Variants in GAB2 observed in about 807,000 individuals in gnomAD.
GAB2 encodes the protein GRB2-associated-binding protein 2.
A neutral mutation model predicts 65.5 loss-of-function variants in GAB2; 26 were observed. The observed-to-expected ratio is 0.40, with a 90% CI of 0.29 to 0.55. The LOEUF (loss-of-function observed/expected upper bound fraction) is 0.55, where lower values mean the gene tolerates loss of function less well. Ranked by LOEUF, GAB2 falls within the 20% of genes least tolerant of loss-of-function variation. The pLI is 0.53. For synonymous variants in GAB2, 321 were observed against 329.6 expected, an observed-to-expected ratio of 0.97 and a Z score of 0.28; for missense variants, 884 against 875.8, an observed-to-expected ratio of 1.01 and a Z score of -0.12.
chr11:78,402,240 A>C (rs1417941930), intron 1 of GAB2, among the ~76,000 whole-genome samples: 1 of 151,780 alleles, frequency 6.6e-6, no homozygotes, highest in Non-Finnish European at 1.5e-5. Flanking sequence ...CTACCTGAAA[A>C]ACCTTCTTCT....
chr11:78,219,537 C>T, intron 9 of GAB2, 122 bp from the exon 10 acceptor site: 1 of 853,926 alleles, frequency 1.2e-6, no homozygotes, highest in Admixed American at 2.1e-5. Context: ...CCTCTGCCTG[C>T]CACTGACCAG....
intron 1 of GAB2, among the ~76,000 whole-genome samples, chr11:78,358,483 CAAAA>C (rs59495222): frequency 7.5e-5 from 8 of 106,236 alleles, no homozygotes; most frequent in Non-Finnish European, 6.1e-5. Context: ...ATAAAGTGAC[CAAAA>C]AAAAAAAAAA....
chr11:78,381,564 T>C (rs891069770), intron 1 of GAB2, among the ~76,000 whole-genome samples: 8 of 152,144 alleles, frequency 5.3e-5, no homozygotes, highest in African/African-American at 1.7e-4. Context: ...ACTGCTAGAC[T>C]GGTAAAAAAG....
chr11:78,417,017 G>T (rs1374319249), intron 1 of GAB2, among the ~76,000 whole-genome samples: 1 of 139,968 alleles, frequency 7.1e-6, no homozygotes, highest in African/African-American at 2.8e-5. Flanking sequence ...TGTCACACCG[G>T]GGTCGGGGGG....
chr11:78,223,136 G>A (rs756198650), intron 6 of GAB2, among the ~76,000 whole-genome samples: 6 of 152,184 alleles, frequency 3.9e-5, no homozygotes, highest in African/African-American at 1.4e-4. Flanking sequence ...TGTAGCAGAC[G>A]AGGACCTTGC....
At position 78,221,720 on chromosome 11, in the gene GAB2, G is replaced by T; in HGVS notation, c.1718C>A (p.Thr573Asn). 1 of 1,613,742 alleles carries T rather than the reference G, an allele frequency of 6.2e-7. No individual in the cohort carries two copies. The highest frequency in any genetic ancestry group is 8.5e-7 in the Non-Finnish European group (1 of 1,179,720). The stretch of plus-strand genomic sequence containing the variant: ...TTCGCTGTCTCCTGAGTCTGTGCTG[G>T]TGATGCTCTGGGTGGAGATGGGGCG... Reference protein sequence around the residue: ...YCRPISTQSITSTDSGDSEEN... With the variant: ...YCRPISTQSINSTDSGDSEEN... Residue 573 changes from threonine to asparagine, a missense_variant, in exon 8 of 10, where the codon ACC becomes AAC. Coordinates refer to ENST00000361507, the MANE Select transcript of GAB2 (RefSeq NM_080491.3).
At chr11:78,256,400 A>G (rs750944032) in intron 2 of GAB2, among the ~76,000 whole-genome samples, 7 of 152,188 alleles carry the variant, frequency 4.6e-5, no homozygotes, top group African/African-American at 1.7e-4. Flanking sequence ...AAGGGGAGTG[A>G]TTCTAGAAAT....
intron 1 of GAB2, among the ~76,000 whole-genome samples, chr11:78,319,106 A>G (rs1234703883): frequency 1.3e-5 from 2 of 151,064 alleles, no homozygotes; most frequent in African/African-American, 4.9e-5. Context: ...AGCCTCTGAA[A>G]CAAGGCTGTG....
At chr11:78,308,195 T>C (rs981895303) in intron 1 of GAB2, among the ~76,000 whole-genome samples, 3 of 152,144 alleles carry the variant, frequency 2.0e-5, no homozygotes, top group African/African-American at 4.8e-5. Flanking sequence ...AATGAGTCTA[T>C]TCTACTTTGA....
At chr11:78,274,966 G>A (rs550467615) in intron 2 of GAB2, among the ~76,000 whole-genome samples, 6 of 152,286 alleles carry the variant, frequency 3.9e-5, no homozygotes, top group East Asian at 1.9e-4. Flanking sequence ...GGGTCAAATC[G>A]TTGTTGTTTC....
chr11:78,235,501 T>C (rs1864958442), intron 3 of GAB2, among the ~76,000 whole-genome samples: 1 of 152,176 alleles, frequency 6.6e-6, no homozygotes. Context: ...TCCGAACATT[T>C]ATGCTCTGCT....
intron 3 of GAB2, among the ~76,000 whole-genome samples, chr11:78,236,879 T>C (rs1212460617): frequency 2.0e-5 from 3 of 152,198 alleles, no homozygotes; most frequent in East Asian, 1.9e-4. Context: ...CCCTAAAATA[T>C]ATATATTGTC....
At chr11:78,223,942 C>T (rs1263093683) in intron 5 of GAB2, among the ~76,000 whole-genome samples, 1 of 151,984 alleles carries the variant, frequency 6.6e-6, no homozygotes, top group African/African-American at 2.4e-5. Flanking sequence ...ATTAGCTGGG[C>T]GTGGTGGCAT....
At chr11:78,396,858 A>G (rs1161851117) in intron 1 of GAB2, among the ~76,000 whole-genome samples, 1 of 152,194 alleles carries the variant, frequency 6.6e-6, no homozygotes, top group Admixed American at 6.5e-5. Context: ...CAGCCTCCCA[A>G]AGTGCTGAGA....
chr11:78,225,806 C>T (rs1000861903), intron 4 of GAB2, among the ~76,000 whole-genome samples: 8 of 152,104 alleles, frequency 5.3e-5, no homozygotes, highest in African/African-American at 1.4e-4. Context: ...AGGTTTTGTC[C>T]CACCAACCTC....
chr11:78,228,244 G>A (rs1407722300), intron 3 of GAB2, among the ~76,000 whole-genome samples: 1 of 152,216 alleles, frequency 6.6e-6, no homozygotes, highest in Non-Finnish European at 1.5e-5. Flanking sequence ...AGTGCTTTGG[G>A]AAATTGGAGG....
At chr11:78,345,648 G>T (rs530433994) in intron 1 of GAB2, among the ~76,000 whole-genome samples, 2 of 152,290 alleles carry the variant, frequency 1.3e-5, no homozygotes, top group East Asian at 3.9e-4. Flanking sequence ...GAAGAACTAC[G>T]CCTTGAGCTG....
intron 1 of GAB2, among the ~76,000 whole-genome samples, chr11:78,376,478 CTAGT>C (rs1856632540): frequency 6.6e-6 from 1 of 152,146 alleles, no homozygotes. Context: ...GAATACTTGC[CTAGT>C]TAGTAAGTAA....
intron 1 of GAB2, among the ~76,000 whole-genome samples, chr11:78,376,362 A>C (rs1019237023): frequency 6.6e-6 from 1 of 152,208 alleles, no homozygotes; most frequent in Non-Finnish European, 1.5e-5. Flanking sequence ...TGTACCAGAT[A>C]CTATTCTAAG....
Sources: allele counts gnomAD v4.1 joint callset (sites outside exome capture counted in the v4.1 genomes callset), GRCh38; gene constraint gnomAD v4.1.1; transcripts MANE v1.5; gene names NCBI Gene and HGNC (gene_info 2026-07-23, HGNC 2026-07-21).